MCTP1: variants seen among roughly 807,000 people sequenced by gnomAD.
MCTP1 encodes the protein multiple C2 and transmembrane domain containing 1, also known as multiple C2 and transmembrane domain-containing protein 1.
MCTP1 carries 69 observed loss-of-function variants against 120.6 expected under a neutral mutation model. The observed-to-expected ratio is 0.57, with a 90% CI of 0.47 to 0.70. The LOEUF (loss-of-function observed/expected upper bound fraction) is 0.70. Among genes scored for constraint, MCTP1 ranks in the 30% least tolerant of loss-of-function variants. MCTP1 has a pLI of 0.00. For synonymous variants in MCTP1, 529 were observed against 493.1 expected (o/e 1.07, Z -0.96); for missense variants, 1,203 against 1,248.8 (o/e 0.96, Z 0.55).
chr5:94,945,730 A>G (rs78349526), intron 3 of MCTP1, among the ~76,000 whole-genome samples: 1,612 of 152,328 alleles, frequency 0.011, 15 homozygotes, highest in African/African-American at 0.024. Context: ...GATGGGAACT[A>G]CTATTTATAC....
intron 19 of MCTP1, among the ~76,000 whole-genome samples, chr5:94,768,664 T>C (rs114632824): frequency 1.9e-3 from 288 of 152,178 alleles, no homozygotes; most frequent in African/African-American, 6.8e-3. Flanking sequence ...ACTGGAGAAA[T>C]GCAAACCAAA....
At chr5:94,933,304 C>G (rs1219326861) in intron 5 of MCTP1, among the ~76,000 whole-genome samples, 1 of 151,648 alleles carries the variant, frequency 6.6e-6, no homozygotes, top group Non-Finnish European at 1.5e-5. Context: ...CAAATCCCAG[C>G]ATTGGGTTAT....
intron 1 of MCTP1, among the ~76,000 whole-genome samples, chr5:95,156,167 C>T (rs899194289): frequency 4.6e-5 from 7 of 152,166 alleles, no homozygotes; most frequent in African/African-American, 1.7e-4. Context: ...ACTTTGATAA[C>T]AGCCTGGTGA....
At chr5:94,720,400 G>C (rs956000263) in intron 19 of MCTP1, among the ~76,000 whole-genome samples, 7 of 152,020 alleles carry the variant, frequency 4.6e-5, no homozygotes, top group Admixed American at 3.3e-4. Flanking sequence ...TTCTAAAATA[G>C]TAAACATCTG....
intron 1 of MCTP1, among the ~76,000 whole-genome samples, chr5:95,233,434 T>C (rs1755189214): frequency 1.3e-5 from 2 of 152,038 alleles, no homozygotes; most frequent in Admixed American, 6.5e-5. Flanking sequence ...GTTCATGCCA[T>C]TCTTCTGCCT....
chr5:95,196,141 T>C (rs2038194454), intron 1 of MCTP1, among the ~76,000 whole-genome samples: 1 of 152,182 alleles, frequency 6.6e-6, no homozygotes, highest in Non-Finnish European at 1.5e-5. Flanking sequence ...ACAAATATCT[T>C]GAAAACCTGA....
chr5:95,019,322 A>G (rs906080660), intron 1 of MCTP1, among the ~76,000 whole-genome samples: 22 of 152,028 alleles, frequency 1.4e-4, no homozygotes, highest in African/African-American at 5.1e-4. Context: ...TATACAATTC[A>G]GTACTGTTAA....
At chr5:94,987,222 A>G (rs1440961723) in intron 2 of MCTP1, among the ~76,000 whole-genome samples, 1 of 152,162 alleles carries the variant, frequency 6.6e-6, no homozygotes, top group African/African-American at 2.4e-5. Flanking sequence ...GTCTTAACTC[A>G]GTAAGTCTTC....
chr5:94,964,156 T>G (rs1274538626), intron 2 of MCTP1, among the ~76,000 whole-genome samples: 1 of 152,214 alleles, frequency 6.6e-6, no homozygotes, highest in Non-Finnish European at 1.5e-5. Context: ...TCTGCTTTTA[T>G]GCTAGCATCA....
At chr5:95,001,232 G>A (rs915034139) in intron 2 of MCTP1, among the ~76,000 whole-genome samples, 7 of 152,116 alleles carry the variant, frequency 4.6e-5, no homozygotes, top group African/African-American at 1.2e-4. Flanking sequence ...ACCCAGTGTC[G>A]GGTATTTCTT....
At chr5:95,100,053 C>G (rs1404209211) in intron 1 of MCTP1, among the ~76,000 whole-genome samples, 1 of 149,024 alleles carries the variant, frequency 6.7e-6, no homozygotes, top group Non-Finnish European at 1.5e-5. Flanking sequence ...TATTCTCACT[C>G]ATAGGTGGGA....
intron 1 of MCTP1, among the ~76,000 whole-genome samples, chr5:95,142,302 C>T (rs1396331960): frequency 6.6e-6 from 1 of 152,116 alleles, no homozygotes; most frequent in African/African-American, 2.4e-5. Context: ...GCTTATGATA[C>T]GTCTCTATTG....
intron 1 of MCTP1, among the ~76,000 whole-genome samples, chr5:95,156,487 A>C (rs140786496): frequency 1.9e-3 from 288 of 152,320 alleles, no homozygotes; most frequent in African/African-American, 6.6e-3. Context: ...CGTTTAAGCA[A>C]TGATCCCCAT....
chr5:94,973,132 T>C (rs1827274923), intron 2 of MCTP1, among the ~76,000 whole-genome samples: 1 of 152,202 alleles, frequency 6.6e-6, no homozygotes, highest in African/African-American at 2.4e-5. Context: ...ATTTTACAGA[T>C]GAGTAAACTG....
intron 4 of MCTP1, among the ~76,000 whole-genome samples, 189 bp from the exon 5 acceptor site, chr5:94,940,384 A>G (rs293038): frequency 4.5e-5 from 5 of 110,866 alleles, no homozygotes; most frequent in South Asian, 2.5e-4. Context: ...ATCTGAATAC[A>G]CCAGATGAAT....
At chr5:95,124,556 T>C (rs1463927462) in intron 1 of MCTP1, among the ~76,000 whole-genome samples, 1 of 152,244 alleles carries the variant, frequency 6.6e-6, no homozygotes, top group Non-Finnish European at 1.5e-5. Flanking sequence ...AACTCCATGC[T>C]GATCTGTTAT....
At chr5:94,871,212 G>T in intron 14 of MCTP1, 103 bp downstream of exon 14, 2 of 786,254 alleles carry the variant, frequency 2.5e-6, no homozygotes, top group Non-Finnish European at 4.3e-6. Context: ...TACAGACCTT[G>T]GTTGAGAAAT....
intron 1 of MCTP1, among the ~76,000 whole-genome samples, chr5:95,249,162 G>A (rs1204359731): frequency 3.3e-5 from 5 of 152,078 alleles, no homozygotes; most frequent in Admixed American, 3.3e-4. Flanking sequence ...ATAGACAAAT[G>A]GGATCTAATT....
At chr5:95,104,294 T>C (rs1299583833) in intron 1 of MCTP1, among the ~76,000 whole-genome samples, 1 of 152,184 alleles carries the variant, frequency 6.6e-6, no homozygotes, top group Non-Finnish European at 1.5e-5. Flanking sequence ...TAATCTAAGT[T>C]GGTTATTTTG....
Sources: gnomAD v4.1 joint callset for allele counts (sites outside exome capture counted in the v4.1 genomes callset) on GRCh38, gnomAD v4.1.1 for gene constraint, MANE v1.5 for transcripts, NCBI Gene and HGNC (gene_info 2026-07-23, HGNC 2026-07-21) for gene names.